The following GBF1 variants were observed in gnomAD, a reference collection of about 807,000 sequenced individuals.
GBF1 encodes golgi brefeldin A resistant guanine nucleotide exchange factor 1.
Under a neutral mutation model 210.5 loss-of-function variants are expected in GBF1, and 114 were observed. The ratio of observed to expected loss-of-function variants is 0.54; its 90% CI spans 0.47 to 0.63. The LOEUF is 0.63. Among genes scored for constraint, GBF1 ranks in the 30% least tolerant of loss-of-function variants. The pLI, the probability that GBF1 is intolerant of heterozygous loss-of-function variation, is 0.00. For synonymous variants in GBF1, 850 were observed against 889.2 expected, an observed-to-expected ratio of 0.96 and a Z score of 0.78; for missense variants, 1,851 against 2,357.7, an observed-to-expected ratio of 0.79 and a Z score of 4.45.
At chr10:102,299,267 G>A (rs1285570841) in intron 3 of GBF1, among the ~76,000 whole-genome samples, 1 of 152,140 alleles carries the variant, frequency 6.6e-6, no homozygotes, top group African/African-American at 2.4e-5. Flanking sequence ...TTCTGGAAAA[G>A]GCAAAACTGT....
the GBF1 span, among the ~76,000 whole-genome samples, chr10:102,236,477 C>A: frequency 6.6e-6 from 1 of 152,162 alleles, no homozygotes; most frequent in South Asian, 2.1e-4. Context: ...ATCAGGGTGG[C>A]AATCCCAGGC....
chr10:102,269,989 C>T (rs1365320839), intron 3 of GBF1, among the ~76,000 whole-genome samples: 5 of 152,006 alleles, frequency 3.3e-5, no homozygotes, highest in African/African-American at 1.2e-4. Context: ...CGCCATTCTC[C>T]TGCCTCAGCC....
intron 3 of GBF1, among the ~76,000 whole-genome samples, chr10:102,302,768 T>G (rs552595704): frequency 1.2e-4 from 19 of 152,166 alleles, no homozygotes; most frequent in Non-Finnish European, 2.2e-4. Flanking sequence ...ACATTTTTGA[T>G]TGTCATATCT....
At chr10:102,335,773 C>T (rs149894173) in intron 3 of GBF1, among the ~76,000 whole-genome samples, 30 of 152,074 alleles carry the variant, frequency 2.0e-4, no homozygotes, top group African/African-American at 5.8e-4. Flanking sequence ...CTTGGCATGG[C>T]GCAGGTAATA....
chr10:102,302,921 A>G (rs1164540619), intron 3 of GBF1, among the ~76,000 whole-genome samples: 1 of 151,636 alleles, frequency 6.6e-6, no homozygotes, highest in Admixed American at 6.6e-5. Flanking sequence ...CTGGTACAAA[A>G]TGTACATCTA....
rs949714334 is a variant in GBF1, at chr10:102,379,266, C to T, written c.4495-18C>T. ...AGACCTAACCCCACTCACATCCTGC[C>T]CCCTCCTGTGATCCTAGTTGCTAGA... On this transcript the variant is annotated intron_variant, in intron 33 of 39. Coordinates refer to ENST00000369983, the MANE Select transcript of GBF1 (RefSeq NM_001377137.1). 47 of 1,609,498 alleles carry T rather than the reference C, an allele frequency of 2.9e-5. No homozygotes were observed. The highest frequency in any genetic ancestry group is 3.9e-5 in the Non-Finnish European group (46 of 1,177,792).
intron 3 of GBF1, among the ~76,000 whole-genome samples, chr10:102,320,765 T>C (rs2056314859): frequency 6.6e-6 from 1 of 152,008 alleles, no homozygotes; most frequent in Admixed American, 6.6e-5. Flanking sequence ...TTATTCTACT[T>C]ATTATATATT....
chr10:102,376,126 C>T (rs2135311259), intron 30 of GBF1, 146 bp from the exon 31 acceptor site: 2 of 645,464 alleles, frequency 3.1e-6, no homozygotes, highest in East Asian at 5.5e-5. Context: ...TTCCGGCCAT[C>T]CTTTGGCCCT....
chr10:102,320,795 CTT>C (rs879719325), intron 3 of GBF1, among the ~76,000 whole-genome samples: 2 of 145,074 alleles, frequency 1.4e-5, no homozygotes, highest in South Asian at 2.2e-4. Flanking sequence ...ATTTTTAATT[CTT>C]TTTTTTTTTA....
chr10:102,367,207 G>A lies in GBF1; in HGVS notation c.2556G>A (p.Leu852=). 1.2e-6 allele frequency: 2 copies of A among 1,613,942 alleles called. No individual in the cohort carries two copies. The highest frequency in any genetic ancestry group is 1.7e-6 in the Non-Finnish European group (2 of 1,179,870). The change falls in exon 20 of 40, where the codon CTG becomes CTA. Residue 852 remains leucine (L), a synonymous_variant. Transcript: ENST00000369983. ...GTAAACAGAATGCACCCATGACCCT[G>A]GAGGTAAGCTTGGGTCCCAGTCAAG... is the stretch of plus-strand genomic sequence containing the variant. ...NVRKQNAPMT[L]EEFRKNLKGV...
At chr10:102,279,790 A>G (rs1307515311) in intron 3 of GBF1, among the ~76,000 whole-genome samples, 1 of 152,134 alleles carries the variant, frequency 6.6e-6, no homozygotes, top group Non-Finnish European at 1.5e-5. Context: ...ACCATTACTA[A>G]TGAATGCCTT....
At chr10:102,315,460 A>C (rs60154233) in intron 3 of GBF1, among the ~76,000 whole-genome samples, 1 of 151,964 alleles carries the variant, frequency 6.6e-6, no homozygotes, top group African/African-American at 2.4e-5. Context: ...CGGTTCCCCA[A>C]CCTTTTCAGC....
rs757733407 is a variant in GBF1, at chr10:102,376,929, G to C, written c.4289-6G>C. 1 of 1,613,606 alleles carries C rather than the reference G, an allele frequency of 6.2e-7. No individual in the cohort carries two copies. The highest frequency in any genetic ancestry group is 1.1e-5 in the South Asian group (1 of 91,066). On this transcript the variant is annotated splice_region_variant and splice_polypyrimidine_tract_variant and intron_variant, in intron 32 of 39. Transcript: ENST00000369983. The stretch of plus-strand genomic sequence containing the variant: ...AGAAATGTGACCTGAGTCTGGCTCT[G>C]CTCAGGATGCAAGTCCCAGGAGAAA...
At chr10:102,312,134 A>T (rs2078495825) in intron 3 of GBF1, among the ~76,000 whole-genome samples, 2 of 152,240 alleles carry the variant, frequency 1.3e-5, no homozygotes, top group African/African-American at 4.8e-5. Context: ...TCTACTAAAA[A>T]TACAAAATTA....
chr10:102,378,148 G>A (rs1291768092), intron 33 of GBF1, among the ~76,000 whole-genome samples: 2 of 151,242 alleles, frequency 1.3e-5, no homozygotes, highest in Non-Finnish European at 2.9e-5. Flanking sequence ...AACCCGGGAG[G>A]CAGAGCTTGC....
intron 3 of GBF1, among the ~76,000 whole-genome samples, chr10:102,325,692 C>T (rs1318653981): frequency 8.6e-5 from 13 of 151,956 alleles, no homozygotes; most frequent in Admixed American, 7.9e-4. Context: ...CTCTGTCACC[C>T]AGGCTGGAGT....
intron 3 of GBF1, among the ~76,000 whole-genome samples, chr10:102,339,953 A>AT (rs398014644): frequency 0.62 from 80,307 of 129,246 alleles, 25,069 homozygotes; most frequent in East Asian, 0.76. Flanking sequence ...TACCTGGTTA[A>AT]TTTTTTTTTT....
At chr10:102,325,690 C>T (rs1236863351) in intron 3 of GBF1, among the ~76,000 whole-genome samples, 2 of 151,940 alleles carry the variant, frequency 1.3e-5, no homozygotes, top group African/African-American at 4.8e-5. Flanking sequence ...CACTCTGTCA[C>T]CCAGGCTGGA....
upstream of GBF1, among the ~76,000 whole-genome samples, chr10:102,244,087 A>G (rs372573274): frequency 9.8e-5 from 15 of 152,324 alleles, no homozygotes; most frequent in East Asian, 1.2e-3. Context: ...CCAAGATCAC[A>G]GCACTGCACT....
Sources: gnomAD v4.1 joint callset for allele counts (sites outside exome capture counted in the v4.1 genomes callset) on GRCh38, gnomAD v4.1.1 for gene constraint, MANE v1.5 for transcripts, NCBI Gene and HGNC (gene_info 2026-07-23, HGNC 2026-07-21) for gene names.